The following NELL1 variants were observed in gnomAD, a reference collection of about 807,000 sequenced individuals.
NELL1 encodes neural EGFL like 1, also known as protein kinase C-binding protein NELL1.
NELL1 carries 76 observed loss-of-function variants against 107.4 expected under a neutral mutation model. The ratio of observed to expected loss-of-function variants is 0.71; its 90% CI spans 0.59 to 0.86. The LOEUF (loss-of-function observed/expected upper bound fraction) is 0.86. NELL1 is among the 40% of genes least tolerant of loss of function. The pLI is 0.00. For missense variants in NELL1, 1,024 were observed against 1,005.5 expected (o/e 1.02, Z -0.25); for synonymous variants, 353 against 341.2 (o/e 1.03, Z -0.38).
At chr11:20,793,921 C>G (rs918569370) in intron 3 of NELL1, among the ~76,000 whole-genome samples, 1 of 151,990 alleles carries the variant, frequency 6.6e-6, no homozygotes, top group Non-Finnish European at 1.5e-5. Context: ...TAATGGATTG[C>G]TTTTGAAAAT....
At chr11:20,788,332 G>T (rs534687462) in intron 3 of NELL1, among the ~76,000 whole-genome samples, 11 of 152,130 alleles carry the variant, frequency 7.2e-5, no homozygotes, top group Non-Finnish European at 1.6e-4. Flanking sequence ...GCGTTTGAGG[G>T]TTTCGATTTT....
chr11:20,795,522 T>C (rs1218501333), intron 3 of NELL1, among the ~76,000 whole-genome samples: 1 of 152,234 alleles, frequency 6.6e-6, no homozygotes, highest in Non-Finnish European at 1.5e-5. Context: ...TCAAATGTGT[T>C]AATATAGAGC....
intron 5 of NELL1, among the ~76,000 whole-genome samples, chr11:20,889,928 G>T (rs1046952738): frequency 2.6e-5 from 4 of 152,288 alleles, no homozygotes; most frequent in Admixed American, 2.0e-4. Flanking sequence ...TCTTGTCTTG[G>T]TAATTCTGAA....
At chr11:21,067,545 T>C (rs578179960) in intron 12 of NELL1, among the ~76,000 whole-genome samples, 2 of 152,088 alleles carry the variant, frequency 1.3e-5, no homozygotes, top group Admixed American at 1.3e-4. Context: ...AAGGAAAAAC[T>C]AATGAAGAAA....
At chr11:21,546,920 T>G (rs1175186137) in intron 16 of NELL1, among the ~76,000 whole-genome samples, 2 of 151,972 alleles carry the variant, frequency 1.3e-5, no homozygotes, top group African/African-American at 4.8e-5. Context: ...AGTGTCAGCA[T>G]AAAATCACTA....
rs150241718 is a variant in NELL1 at position 20,709,172 on chromosome 11, C to T, written c.184+31112C>T. On this transcript the variant is annotated intron_variant, in intron 2 of 19. Transcript: ENST00000357134. ...TATCTTCTAGAATTTTTATGGTTTC[C>T]GGTCTTAGATTTAAGTCTGACCCAT... Among the ~76,000 whole-genome samples the T allele has an allele frequency of 5.0e-4, 76 of 152,118 alleles. No individual in the cohort carries two copies. The East Asian group carries it at 7.0e-3, about 14-fold the overall frequency.
intron 2 of NELL1, among the ~76,000 whole-genome samples, chr11:20,758,692 C>T (rs2133954811): frequency 6.6e-6 from 1 of 152,194 alleles, no homozygotes; most frequent in African/African-American, 2.4e-5. Context: ...CTAGATAATT[C>T]TTTGTTGTGG....
intron 2 of NELL1, among the ~76,000 whole-genome samples, chr11:20,751,510 TC>T (rs1448329263): frequency 1.3e-5 from 2 of 152,148 alleles, no homozygotes; most frequent in East Asian, 3.9e-4. Context: ...GGGGTCTCAC[TC>T]TGTTGCCCAG....
intron 4 of NELL1, among the ~76,000 whole-genome samples, chr11:20,876,558 A>AT (rs1849307880): frequency 6.6e-6 from 1 of 152,094 alleles, no homozygotes; most frequent in Non-Finnish European, 1.5e-5. Context: ...AGGTCAGGAG[A>AT]TTGAGACCAT....
intron 3 of NELL1, among the ~76,000 whole-genome samples, chr11:20,826,369 T>G (rs542302451): frequency 6.6e-6 from 1 of 151,326 alleles, no homozygotes; most frequent in Non-Finnish European, 1.5e-5. Context: ...AGCATTCTCC[T>G]TACATGCATT....
At chr11:21,327,832 G>A (rs1850180186) in intron 14 of NELL1, among the ~76,000 whole-genome samples, 1 of 152,118 alleles carries the variant, frequency 6.6e-6, no homozygotes, top group African/African-American at 2.4e-5. Context: ...TGGAGTAAAG[G>A]TTACTCTTGC....
intron 14 of NELL1, among the ~76,000 whole-genome samples, chr11:21,317,208 G>A (rs938960137): frequency 3.3e-5 from 5 of 151,806 alleles, no homozygotes; most frequent in African/African-American, 7.3e-5. Context: ...AAACATAATT[G>A]TAGTAGCTAT....
intron 12 of NELL1, among the ~76,000 whole-genome samples, chr11:21,048,914 C>T (rs1439392884): frequency 1.3e-5 from 2 of 152,114 alleles, no homozygotes; most frequent in Non-Finnish European, 2.9e-5. Context: ...CCAGAAAGCA[C>T]ACTCTGACTT....
At chr11:21,258,798 C>A (rs1858834659) in intron 14 of NELL1, among the ~76,000 whole-genome samples, 1 of 151,930 alleles carries the variant, frequency 6.6e-6, no homozygotes, top group African/African-American at 2.4e-5. Context: ...CTTTATGAAT[C>A]CATTTTTATA....
chr11:21,171,651 T>G (rs771760045), intron 13 of NELL1, among the ~76,000 whole-genome samples: 130 of 151,828 alleles, frequency 8.6e-4, no homozygotes, highest in Non-Finnish European at 1.4e-3. Flanking sequence ...TCCTTTGCAT[T>G]TCTGAATTAG....
At chr11:21,136,359 A>G (rs964673759) in intron 13 of NELL1, among the ~76,000 whole-genome samples, 1 of 152,196 alleles carries the variant, frequency 6.6e-6, no homozygotes, top group Admixed American at 6.5e-5. Flanking sequence ...GGCCATGGTA[A>G]GGGGTTTAGA....
chr11:21,508,273 CAAAT>C (rs970953682), intron 15 of NELL1, among the ~76,000 whole-genome samples: 2 of 151,498 alleles, frequency 1.3e-5, no homozygotes, highest in African/African-American at 4.9e-5. Context: ...AGGAAATAGA[CAAAT>C]AACTAGAAAA....
chr11:20,810,110 C>CT (rs891894721), intron 3 of NELL1, among the ~76,000 whole-genome samples: 3,007 of 148,396 alleles, frequency 0.02, 101 homozygotes, highest in African/African-American at 0.07. Context: ...ATGTCAAGCT[C>CT]TTTTTTTTTT....
chr11:21,544,939 A>G (rs978566145), intron 16 of NELL1, among the ~76,000 whole-genome samples: 1 of 151,796 alleles, frequency 6.6e-6, no homozygotes, highest in African/African-American at 2.4e-5. Flanking sequence ...CTTGCTCTAT[A>G]ACTATCAGAA....
Sources: allele counts gnomAD v4.1 joint callset (sites outside exome capture counted in the v4.1 genomes callset), GRCh38; gene constraint gnomAD v4.1.1; transcripts MANE v1.5; gene names NCBI Gene and HGNC (gene_info 2026-07-23, HGNC 2026-07-21).